The following BBS9 variants were observed in gnomAD, a reference collection of about 807,000 sequenced individuals.
BBS9 encodes the protein protein PTHB1.
Under a neutral mutation model 117.7 loss-of-function variants are expected in BBS9, and 89 were observed. That is an observed-to-expected ratio of 0.76 (90% CI 0.64 to 0.90). The LOEUF (loss-of-function observed/expected upper bound fraction) is 0.90. BBS9 is among the 40% of genes least tolerant of loss of function. The probability of loss-of-function intolerance (pLI) is 0.00; values close to 1 mark genes in which losing one functional copy is unlikely to be tolerated. For missense variants in BBS9, 982 were observed against 1,042.2 expected (o/e 0.94, Z 0.80); for synonymous variants, 379 against 370.9 (o/e 1.02, Z -0.25).
chr7:33,262,213 T>C (rs537604635), intron 6 of BBS9, among the ~76,000 whole-genome samples: 3 of 152,304 alleles, frequency 2.0e-5, no homozygotes, highest in Middle Eastern at 3.4e-3. Flanking sequence ...TGGCTGTGCC[T>C]CTGCCTGCTG....
intron 5 of BBS9, among the ~76,000 whole-genome samples, chr7:33,190,308 G>T (rs1330687837): frequency 6.6e-6 from 1 of 151,692 alleles, no homozygotes; most frequent in Non-Finnish European, 1.5e-5. Flanking sequence ...TTTGGTAGAG[G>T]ATACATGGGG....
chr7:33,504,920 A>G (rs555816300), intron 19 of BBS9, among the ~76,000 whole-genome samples: 220 of 152,026 alleles, frequency 1.4e-3, no homozygotes, highest in African/African-American at 5.0e-3. Context: ...ACATTACTCA[A>G]CTGGTCAAAT....
At chr7:33,151,436 A>G (rs1793286361) in intron 2 of BBS9, among the ~76,000 whole-genome samples, 1 of 152,204 alleles carries the variant, frequency 6.6e-6, no homozygotes, top group Non-Finnish European at 1.5e-5. Context: ...CAATGCAGGC[A>G]GAGTTGAACT....
chr7:33,300,376 A>G (rs1250394018), intron 9 of BBS9, among the ~76,000 whole-genome samples: 2 of 152,336 alleles, frequency 1.3e-5, no homozygotes, highest in Non-Finnish European at 2.9e-5. Context: ...GGGCAAACAG[A>G]AAATATCCAG....
At chr7:33,166,693 G>A (rs928853719) in intron 4 of BBS9, among the ~76,000 whole-genome samples, 3 of 152,252 alleles carry the variant, frequency 2.0e-5, no homozygotes, top group African/African-American at 4.8e-5. Context: ...CTAGCCAGGC[G>A]TGGGATATAA....
chr7:33,509,220 T>A (rs1022936140), intron 20 of BBS9, among the ~76,000 whole-genome samples: 1 of 152,326 alleles, frequency 6.6e-6, no homozygotes, highest in Admixed American at 6.5e-5. Flanking sequence ...TTCGGACTTA[T>A]ACTGTTGAGA....
chr7:33,182,909 A>G (rs925005697), intron 5 of BBS9, among the ~76,000 whole-genome samples: 2 of 152,150 alleles, frequency 1.3e-5, no homozygotes, highest in Non-Finnish European at 2.9e-5. Context: ...CAAAAAAGGG[A>G]TGGGTAGCAG....
intron 21 of BBS9, among the ~76,000 whole-genome samples, chr7:33,559,675 A>G (rs576758269): frequency 1.3e-5 from 2 of 152,246 alleles, no homozygotes; most frequent in African/African-American, 4.8e-5. Context: ...TGCAACCCCT[A>G]TAGACACATG....
intron 21 of BBS9, among the ~76,000 whole-genome samples, chr7:33,536,262 G>A (rs1286037659): frequency 1.3e-5 from 2 of 151,882 alleles, no homozygotes; most frequent in Non-Finnish European, 2.9e-5. Flanking sequence ...TTTACTTGCC[G>A]ACGACCCGCT....
At chr7:33,353,021 G>A in intron 15 of BBS9, 148 bp downstream of exon 15, 3 of 752,038 alleles carry the variant, frequency 4.0e-6, no homozygotes, top group Non-Finnish European at 6.6e-6. Flanking sequence ...CCTTGATTCT[G>A]CTATGGAGAG....
At chr7:33,630,717 C>A (rs560224017) in intron 21 of BBS9, among the ~76,000 whole-genome samples, 1 of 152,300 alleles carries the variant, frequency 6.6e-6, no homozygotes, top group East Asian at 1.9e-4. Flanking sequence ...GACTTCCTCG[C>A]TGGGCATCCC....
intron 21 of BBS9, among the ~76,000 whole-genome samples, chr7:33,576,103 A>G (rs912234869): frequency 1.3e-5 from 2 of 152,198 alleles, no homozygotes; most frequent in Non-Finnish European, 2.9e-5. Flanking sequence ...TTAGGAAAAA[A>G]GGAAGTCAAA....
intron 9 of BBS9, among the ~76,000 whole-genome samples, chr7:33,279,333 C>T (rs1801383509): frequency 6.6e-6 from 1 of 152,188 alleles, no homozygotes; most frequent in South Asian, 2.1e-4. Flanking sequence ...ACCTTGGCCT[C>T]CCCAAGTGCT....
intron 9 of BBS9, among the ~76,000 whole-genome samples, chr7:33,313,625 T>C (rs73688108): frequency 0.016 from 2,471 of 152,296 alleles, 77 homozygotes; most frequent in African/African-American, 0.057. Context: ...ATAACCTCTG[T>C]AATTTTTGCA....
intron 19 of BBS9, among the ~76,000 whole-genome samples, chr7:33,469,908 A>G (rs17170261): frequency 0.1 from 15,275 of 152,222 alleles, 1,238 homozygotes; most frequent in African/African-American, 0.22. Flanking sequence ...TGATTTTCTT[A>G]AAATAATATC....
chr7:33,274,047 T>TA (rs1005140392), intron 9 of BBS9, 91 bp downstream of exon 9: 14 of 1,427,144 alleles, frequency 9.8e-6, no homozygotes, highest in Non-Finnish European at 1.4e-5. Flanking sequence ...GTGATTTTAT[T>TA]AAAAAATTAC....
At chr7:33,396,518 ATAT>A (rs1191005950) in intron 19 of BBS9, among the ~76,000 whole-genome samples, 1 of 152,188 alleles carries the variant, frequency 6.6e-6, no homozygotes, top group African/African-American at 2.4e-5. Context: ...ATTTTTAAAA[ATAT>A]TATAATTTGT....
chr7:33,629,817 A>C (rs887432325), intron 21 of BBS9, among the ~76,000 whole-genome samples: 1 of 152,214 alleles, frequency 6.6e-6, no homozygotes, highest in African/African-American at 2.4e-5. Flanking sequence ...AATCAATACA[A>C]TCTTTCTTAA....
At chr7:33,131,341 G>A (rs1789583373) in intron 1 of BBS9, among the ~76,000 whole-genome samples, 1 of 152,204 alleles carries the variant, frequency 6.6e-6, no homozygotes, top group Non-Finnish European at 1.5e-5. Context: ...TAAGGGACTT[G>A]TTTAAGATCA....
Sources: gnomAD v4.1 joint callset for allele counts (sites outside exome capture counted in the v4.1 genomes callset) on GRCh38, gnomAD v4.1.1 for gene constraint, MANE v1.5 for transcripts, NCBI Gene and HGNC (gene_info 2026-07-23, HGNC 2026-07-21) for gene names.